The following NEK10 variants were observed in gnomAD, a reference collection of about 807,000 sequenced individuals.
NEK10 encodes NIMA related kinase 10, also known as serine/threonine-protein kinase Nek10.
In NEK10, 122 loss-of-function variants were observed where a neutral mutation model predicts 159.8. That is an observed-to-expected ratio of 0.76 (90% CI 0.66 to 0.89). The LOEUF is 0.89. Among genes scored for constraint, NEK10 ranks in the 40% least tolerant of loss-of-function variants. NEK10 has a pLI of 0.00. For synonymous variants in NEK10, 466 were observed against 457.1 expected, an observed-to-expected ratio of 1.02 and a Z score of -0.25; for missense variants, 1,342 against 1,323.1, an observed-to-expected ratio of 1.01 and a Z score of -0.22.
intron 32 of NEK10, among the ~76,000 whole-genome samples, chr3:27,124,189 G>C (rs1941665509): frequency 6.6e-6 from 1 of 152,122 alleles, no homozygotes; most frequent in South Asian, 2.1e-4. Flanking sequence ...TTTAGATGGT[G>C]AGACAGAAAA....
intron 23 of NEK10, among the ~76,000 whole-genome samples, chr3:27,253,850 A>G (rs950274527): frequency 6.6e-6 from 1 of 152,184 alleles, no homozygotes; most frequent in East Asian, 1.9e-4. Context: ...AAATTCTAGA[A>G]TGTCGGGACC....
intron 11 of NEK10, among the ~76,000 whole-genome samples, chr3:27,306,976 G>C (rs1353286305): frequency 6.6e-6 from 1 of 151,970 alleles, no homozygotes. Flanking sequence ...AGGAAACTTT[G>C]CATGACTCCA....
At position 27,107,632 on chromosome 3, in the gene NEK10, C is replaced by G. The variant is rs1420310529; in HGVS notation, c.*3640G>C. ...TTGGACAAAATTTCACCCAAGGAGT[C>G]AATGTCAATATTCGGAAGCATTAAG... On this transcript the variant is annotated 3_prime_UTR_variant, in exon 36 of 36. Transcript: ENST00000691995. Among the ~76,000 whole-genome samples the G allele has an allele frequency of 6.6e-6, 1 of 152,140 alleles. No individual in the cohort carries two copies. Among genetic ancestry groups the G allele is most frequent in the African/African-American group, 2.4e-5 (1 of 41,428 alleles).
At chr3:27,288,401 G>T (rs1427292805) in intron 19 of NEK10, among the ~76,000 whole-genome samples, 1 of 152,074 alleles carries the variant, frequency 6.6e-6, no homozygotes, top group Non-Finnish European at 1.5e-5. Context: ...GTCAGTTTAT[G>T]GAAAAATTTC....
At chr3:27,195,379 A>T (rs1364036709) in intron 25 of NEK10, among the ~76,000 whole-genome samples, 1 of 152,174 alleles carries the variant, frequency 6.6e-6, no homozygotes, top group Non-Finnish European at 1.5e-5. Flanking sequence ...TAATACTGAA[A>T]ATCCAAAGCA....
At chr3:27,277,682 C>T (rs1237527029) in intron 22 of NEK10, among the ~76,000 whole-genome samples, 1 of 152,200 alleles carries the variant, frequency 6.6e-6, no homozygotes, top group Non-Finnish European at 1.5e-5. Flanking sequence ...ATCCCTAAGG[C>T]ACAGTTAGTC....
intron 23 of NEK10, among the ~76,000 whole-genome samples, chr3:27,229,755 C>T (rs922358100): frequency 6.6e-6 from 1 of 151,864 alleles, no homozygotes; most frequent in Admixed American, 6.6e-5. Flanking sequence ...TAGACTAGAA[C>T]ATGTAGAAGA....
chr3:27,243,784 T>G (rs935573605), intron 23 of NEK10, among the ~76,000 whole-genome samples: 5 of 151,970 alleles, frequency 3.3e-5, no homozygotes, highest in African/African-American at 1.2e-4. Flanking sequence ...ACAAGCATCA[T>G]AGGGTTTTCT....
At position 27,171,812 on chromosome 3, in the gene NEK10, C is replaced by CA. The variant is rs1362781108; in HGVS notation, c.2831+6dup. The CA allele has an allele frequency of 1.9e-6, 3 of 1,613,520 alleles. No individual in the cohort carries two copies. Among genetic ancestry groups the CA allele is most frequent in the Non-Finnish European group, 2.5e-6 (3 of 1,179,770 alleles). On this transcript the variant is annotated splice_region_variant and intron_variant, in intron 29 of 35. Transcript: ENST00000691995. ...AAAATATTTCTAGGAGTTCAATTTG[C>CA]ACCTACCTTGTTTGGGATTGTCTTT...
rs376485731 is a variant in NEK10, at chr3:27,352,446, C to G, written c.132+19G>C. 7 of 1,576,906 alleles carry G rather than the reference C, an allele frequency of 4.4e-6. No homozygotes were observed. In the African/African-American group the frequency reaches 8.1e-5, roughly 18 times the overall value. On this transcript the variant is annotated intron_variant, in intron 3 of 35. Coordinates refer to ENST00000691995, the MANE Select transcript of NEK10 (RefSeq NM_001394966.1). ...GATTTTTCTTTTATTACCAAGTGAA[C>G]ATTCTTTGAAAACGCTACCTGTTGT...
intron 30 of NEK10, among the ~76,000 whole-genome samples, chr3:27,142,095 T>C (rs1943844212): frequency 6.6e-6 from 1 of 152,220 alleles, no homozygotes; most frequent in Admixed American, 6.5e-5. Flanking sequence ...AACCTTTGAT[T>C]ATTACAAATT....
At chr3:27,179,654 T>C (rs1383564392) in intron 26 of NEK10, among the ~76,000 whole-genome samples, 1 of 152,216 alleles carries the variant, frequency 6.6e-6, no homozygotes, top group Non-Finnish European at 1.5e-5. Flanking sequence ...ATCTGGTCCA[T>C]CACAACAATA....
chr3:27,178,154 T>C (rs1239588334), intron 26 of NEK10, among the ~76,000 whole-genome samples: 1 of 152,234 alleles, frequency 6.6e-6, no homozygotes, highest in African/African-American at 2.4e-5. Context: ...GGCACAATTA[T>C]GTTTAGCTCG....
rs191932121 is a variant in NEK10, at chr3:27,310,741, C to T, written c.636+208G>A. 125 of 403,590 alleles carry T rather than the reference C, an allele frequency of 3.1e-4. No homozygotes were observed. In the East Asian group the frequency reaches 4.6e-3, roughly 15 times the overall value. 25.0% of individuals were successfully genotyped at this position (403,590 alleles called of 1,614,324 possible). Reference sequence around the variant, plus strand: ...GCATAGGAAAAAAAAGAAAAGAGTTCCAGAAAACTTGTATTTATTATATCT... The same window carrying T: ...GCATAGGAAAAAAAAGAAAAGAGTTTCAGAAAACTTGTATTTATTATATCT... On this transcript the variant is annotated intron_variant, in intron 9 of 35. Transcript: ENST00000691995.
At chr3:27,121,144 C>T (rs966523655) in intron 32 of NEK10, among the ~76,000 whole-genome samples, 9 of 151,998 alleles carry the variant, frequency 5.9e-5, no homozygotes, top group African/African-American at 2.2e-4. Context: ...ATATTCATGC[C>T]ATCTTTTTTT....
intron 6 of NEK10, among the ~76,000 whole-genome samples, chr3:27,320,931 T>G (rs2045579639): frequency 6.6e-6 from 1 of 151,846 alleles, no homozygotes; most frequent in East Asian, 1.9e-4. Context: ...GGAAGTAGAG[T>G]TGCAGGATAA....
At chr3:27,321,496 C>A (rs1195167166) in intron 6 of NEK10, among the ~76,000 whole-genome samples, 2 of 152,124 alleles carry the variant, frequency 1.3e-5, no homozygotes, top group East Asian at 1.9e-4. Flanking sequence ...CATGGTGAAA[C>A]CCCATCTCTA....
At chr3:27,304,051 G>T (rs1327233511) in intron 12 of NEK10, among the ~76,000 whole-genome samples, 1 of 152,130 alleles carries the variant, frequency 6.6e-6, no homozygotes, top group South Asian at 2.1e-4. Flanking sequence ...AAATACAGAA[G>T]TTAGTTTGCA....
intron 26 of NEK10, among the ~76,000 whole-genome samples, chr3:27,186,051 T>A (rs779608847): frequency 2.0e-5 from 3 of 152,210 alleles, no homozygotes; most frequent in Non-Finnish European, 2.9e-5. Context: ...AGAACATGGC[T>A]GATCAAGGGA....
Sources: allele counts gnomAD v4.1 joint callset (sites outside exome capture counted in the v4.1 genomes callset), GRCh38; gene constraint gnomAD v4.1.1; transcripts MANE v1.5; gene names NCBI Gene and HGNC (gene_info 2026-07-23, HGNC 2026-07-21).